THSD7B: variants seen among roughly 807,000 people sequenced by gnomAD.
The protein encoded by THSD7B is thrombospondin type-1 domain-containing protein 7B.
A neutral mutation model predicts 213.6 loss-of-function variants in THSD7B; 138 were observed. That is an observed-to-expected ratio of 0.65 (90% CI 0.56 to 0.74). The LOEUF is 0.74. THSD7B is among the 30% of genes least tolerant of loss of function. The pLI is 0.00. For synonymous variants in THSD7B, 742 were observed against 687.0 expected (o/e 1.08, Z -1.25); for missense variants, 1,931 against 1,991.5 (o/e 0.97, Z 0.58).
intron 1 of THSD7B, among the ~76,000 whole-genome samples, chr2:136,790,604 A>C (rs553967423): frequency 4.6e-5 from 7 of 152,086 alleles, no homozygotes; most frequent in Non-Finnish European, 1.0e-4. Context: ...TTTTCTCCAT[A>C]AAAAGATGAA....
At chr2:137,283,103 C>T (rs78669992) in intron 12 of THSD7B, among the ~76,000 whole-genome samples, 4,088 of 152,150 alleles carry the variant, frequency 0.027, 213 homozygotes, top group African/African-American at 0.093. Flanking sequence ...TTGTCATTCT[C>T]CTTGAAGAGG....
At chr2:137,182,117 G>A (rs540579283) in intron 7 of THSD7B, among the ~76,000 whole-genome samples, 4 of 152,160 alleles carry the variant, frequency 2.6e-5, no homozygotes, top group East Asian at 3.9e-4. Context: ...TTTGTAAGGC[G>A]TCCCAGCAGG....
chr2:137,304,068 G>T (rs1427063099), intron 12 of THSD7B, among the ~76,000 whole-genome samples: 4 of 151,624 alleles, frequency 2.6e-5, no homozygotes. Context: ...TTGGTTTTCT[G>T]TTCCTGTGTT....
intron 1 of THSD7B, among the ~76,000 whole-genome samples, chr2:136,815,223 G>T (rs961719679): frequency 3.3e-5 from 5 of 152,222 alleles, no homozygotes; most frequent in African/African-American, 1.2e-4. Context: ...ATAAATGGCT[G>T]TTGCTGCCTG....
intron 2 of THSD7B, among the ~76,000 whole-genome samples, chr2:136,992,150 A>T (rs975599614): frequency 3.3e-5 from 5 of 152,218 alleles, no homozygotes; most frequent in African/African-American, 1.2e-4. Context: ...ATAAAGATGC[A>T]TTTCAGATCA....
In THSD7B at chr2:137,235,513, T is replaced by A. The variant is rs59712779; in HGVS notation, c.2150+2380T>A. Among the ~76,000 whole-genome samples the A allele has an allele frequency of 2.6e-3, 389 of 152,280 alleles. 3 individuals are homozygous for A. Among genetic ancestry groups the A allele is most frequent in the African/African-American group, 9.1e-3 (378 of 41,544 alleles). On this transcript the variant is annotated intron_variant, in intron 9 of 27. Transcript: ENST00000409968. Reference sequence around the variant, plus strand: ...TTATCATCATATTTTAAAGGGCTATTCGGACAGAAAAAGTTGAGTTATATG... The same window carrying A: ...TTATCATCATATTTTAAAGGGCTATACGGACAGAAAAAGTTGAGTTATATG...
At chr2:137,071,028 T>A (rs1687476200) in intron 3 of THSD7B, among the ~76,000 whole-genome samples, 1 of 152,186 alleles carries the variant, frequency 6.6e-6, no homozygotes, top group Non-Finnish European at 1.5e-5. Flanking sequence ...AACATACGTG[T>A]GCATGTGTCT....
intron 1 of THSD7B, among the ~76,000 whole-genome samples, chr2:136,878,225 C>T (rs550475200): frequency 1.9e-3 from 291 of 152,316 alleles, no homozygotes; most frequent in Non-Finnish European, 3.6e-3. Flanking sequence ...CCAGCTTCAT[C>T]CATGTCCCTA....
At chr2:137,335,732 G>A (rs1451579841) in intron 12 of THSD7B, among the ~76,000 whole-genome samples, 1 of 152,124 alleles carries the variant, frequency 6.6e-6, no homozygotes, top group Non-Finnish European at 1.5e-5. Context: ...TCAGATGCTG[G>A]TTTCGAAGAT....
intron 14 of THSD7B, among the ~76,000 whole-genome samples, chr2:137,446,716 A>C (rs1473328333): frequency 1.3e-5 from 2 of 152,120 alleles, no homozygotes; most frequent in African/African-American, 2.4e-5. Context: ...TGTATTCTGC[A>C]TATAAACTGT....
chr2:137,539,059 TA>T (rs1357845094), intron 15 of THSD7B, among the ~76,000 whole-genome samples: 1 of 151,758 alleles, frequency 6.6e-6, no homozygotes, highest in Non-Finnish European at 1.5e-5. Flanking sequence ...ATATCTCATA[TA>T]AATCACAAGT....
chr2:136,787,823 A>G (rs1045721061), intron 1 of THSD7B, among the ~76,000 whole-genome samples: 3 of 102,808 alleles, frequency 2.9e-5, no homozygotes, highest in Non-Finnish European at 6.3e-5. Context: ...CAGAACTTTT[A>G]AGAGCCATTG....
At chr2:136,900,296 G>A (rs968553514) in intron 2 of THSD7B, among the ~76,000 whole-genome samples, 9 of 152,130 alleles carry the variant, frequency 5.9e-5, no homozygotes, top group African/African-American at 2.2e-4. Flanking sequence ...ATGTGTGTTT[G>A]TTCTTACTGC....
chr2:137,545,713 A>G (rs936036197), intron 15 of THSD7B, among the ~76,000 whole-genome samples: 3 of 151,906 alleles, frequency 2.0e-5, no homozygotes, highest in African/African-American at 4.8e-5. Context: ...CCCTAACTCT[A>G]TACTTCCTAG....
chr2:137,439,295 GC>G (rs1279167403), intron 14 of THSD7B, among the ~76,000 whole-genome samples: 4 of 151,912 alleles, frequency 2.6e-5, no homozygotes, highest in African/African-American at 9.7e-5. Context: ...TGCTTTTGAT[GC>G]TTTTTTCTGG....
chr2:137,004,783 T>C (rs1686071531), intron 2 of THSD7B, among the ~76,000 whole-genome samples: 1 of 152,236 alleles, frequency 6.6e-6, no homozygotes, highest in Non-Finnish European at 1.5e-5. Context: ...CTCTTAACAA[T>C]CTGTGGCCTT....
intron 1 of THSD7B, among the ~76,000 whole-genome samples, chr2:136,772,746 G>T (rs1393528794): frequency 3.3e-5 from 5 of 152,084 alleles, no homozygotes; most frequent in African/African-American, 1.2e-4. Context: ...ATTGTTCTTG[G>T]TCAAAGAGGA....
intron 12 of THSD7B, among the ~76,000 whole-genome samples, chr2:137,311,717 G>T (rs557520104): frequency 6.6e-6 from 1 of 151,564 alleles, no homozygotes; most frequent in Non-Finnish European, 1.5e-5. Flanking sequence ...TAGCATGAAG[G>T]GTTGTTGAAT....
At chr2:137,343,071 G>A (rs1282980296) in intron 12 of THSD7B, among the ~76,000 whole-genome samples, 1 of 133,266 alleles carries the variant, frequency 7.5e-6, no homozygotes, top group Admixed American at 7.4e-5. Flanking sequence ...ATTCCCTTCT[G>A]TTTTTTTTTT....
Sources: gnomAD v4.1 joint callset for allele counts (sites outside exome capture counted in the v4.1 genomes callset) on GRCh38, gnomAD v4.1.1 for gene constraint, MANE v1.5 for transcripts, NCBI Gene and HGNC (gene_info 2026-07-23, HGNC 2026-07-21) for gene names.